The following HERC2 variants were observed in gnomAD, a reference collection of about 807,000 sequenced individuals.
The protein encoded by HERC2 is HECT and RLD domain containing E3 ubiquitin protein ligase 2, also known as E3 ubiquitin-protein ligase HERC2.
A neutral mutation model predicts 537.7 loss-of-function variants in HERC2; 102 were observed. The ratio of observed to expected loss-of-function variants is 0.19; its 90% CI spans 0.16 to 0.22. HERC2 has a LOEUF of 0.22. Among genes scored for constraint, HERC2 ranks in the 10% least tolerant of loss-of-function variants. The pLI is 1.00. For synonymous variants in HERC2, 2,224 were observed against 2,466.2 expected, an observed-to-expected ratio of 0.90 and a Z score of 2.91; for missense variants, 4,236 against 6,198.2, an observed-to-expected ratio of 0.68 and a Z score of 10.63.
chr15:28,142,094 A>G (rs1439689627), intron 76 of HERC2, 144 bp downstream of exon 76: 3 of 849,964 alleles, frequency 3.5e-6, no homozygotes, highest in Non-Finnish European at 5.5e-6. Context: ...GTGTCAGTTC[A>G]CTCATTTTCA....
At chr15:28,272,070 A>G in intron 9 of HERC2, 145 bp downstream of exon 9, 1 of 705,790 alleles carries the variant, frequency 1.4e-6, no homozygotes, top group East Asian at 2.8e-5. Flanking sequence ...GACCTCCCAC[A>G]CCTGTCTCAT....
chr15:28,161,502 C>A (rs1217784286), intron 69 of HERC2, among the ~76,000 whole-genome samples: 2 of 152,180 alleles, frequency 1.3e-5, no homozygotes, highest in Non-Finnish European at 2.9e-5. Flanking sequence ...TAAGGAAGCC[C>A]ACGGCCTTTA....
intron 86 of HERC2, 145 bp downstream of exon 86, chr15:28,121,201 G>A: frequency 1.5e-6 from 1 of 651,064 alleles, no homozygotes; most frequent in Non-Finnish European, 2.7e-6. Context: ...CATACAGGAA[G>A]CCCACAAAAA....
In HERC2 at chr15:28,258,038, G is replaced by A. The variant is rs1437738982; in HGVS notation, c.2317-777C>T. 5.9e-5 allele frequency among the ~76,000 whole-genome samples: 9 copies of A among 152,030 alleles called. No individual in the cohort carries two copies. In the East Asian group the frequency reaches 1.7e-3, roughly 29 times the overall value. ...TGTTCACTAAGAGAGAACATATCCT[G>A]AGACATAAAACAAATCTTAACAAAT... On this transcript the variant is annotated intron_variant, in intron 16 of 92. Coordinates refer to ENST00000261609, the MANE Select transcript of HERC2 (RefSeq NM_004667.6).
intron 59 of HERC2, 86 bp downstream of exon 59, chr15:28,178,801 T>G: frequency 7.2e-7 from 1 of 1,397,846 alleles, no homozygotes. Flanking sequence ...TAAGAAAGAA[T>G]GTAAGGACAC....
At chr15:28,316,349 A>G (rs1346808090) in intron 2 of HERC2, among the ~76,000 whole-genome samples, 1 of 151,930 alleles carries the variant, frequency 6.6e-6, no homozygotes, top group Admixed American at 6.6e-5. Flanking sequence ...TTAGTTCTTT[A>G]AAACACCAGG....
chr15:28,267,846 C>A (rs1243052437), intron 12 of HERC2, among the ~76,000 whole-genome samples: 1 of 152,214 alleles, frequency 6.6e-6, no homozygotes, highest in Non-Finnish European at 1.5e-5. Flanking sequence ...CTCCAGCCCA[C>A]AAGAAATGGG....
chr15:28,282,693 G>A (rs370313854), intron 4 of HERC2, among the ~76,000 whole-genome samples: 3 of 152,136 alleles, frequency 2.0e-5, no homozygotes, highest in Admixed American at 6.5e-5. Context: ...CAGCACTTTC[G>A]GAGGCCGAGG....
At position 28,237,779 on chromosome 15, in the gene HERC2, A is replaced by G. The variant is rs7169067; in HGVS notation, c.3852+335T>C. ...CTACTGTAAAGAATTACACTTCTAC[A>G]TAGTTCTTCCCAAAAAATACTACCT... On this transcript the variant is annotated intron_variant, in intron 25 of 92. Transcript: ENST00000261609. Among the ~76,000 whole-genome samples the G allele has an allele frequency of 2.8e-3, 431 of 152,358 alleles. 3 individuals are homozygous for G. The highest frequency in any genetic ancestry group is 9.8e-3 in the African/African-American group (408 of 41,588).
chr15:28,225,749 T>A, intron 35 of HERC2, among the ~76,000 whole-genome samples: 1 of 138,076 alleles, frequency 7.2e-6, no homozygotes, highest in Non-Finnish European at 1.6e-5. Flanking sequence ...ATAACTAACA[T>A]CAGAAATGTA....
intron 38 of HERC2, among the ~76,000 whole-genome samples, chr15:28,217,025 CAAT>C (rs891908023): frequency 3.3e-5 from 5 of 152,158 alleles, no homozygotes; most frequent in South Asian, 4.1e-4. Flanking sequence ...CACGCATTCA[CAAT>C]AACATCACTC....
Position 28,152,842 on chromosome 15 carries a change from G to C in HERC2, c.10747-12C>G. Reference sequence around the variant, plus strand: ...AGCATATCTGCCACCTGGAGAGGAAGCAAGGACATGAATGAGGGGGCCAAC... The same window carrying C: ...AGCATATCTGCCACCTGGAGAGGAACCAAGGACATGAATGAGGGGGCCAAC... On this transcript the variant is annotated splice_polypyrimidine_tract_variant and intron_variant, in intron 69 of 92. Coordinates refer to ENST00000261609, the MANE Select transcript of HERC2 (RefSeq NM_004667.6). The C allele has an allele frequency of 6.4e-7, 1 of 1,558,696 alleles. No homozygotes were observed. Among genetic ancestry groups the C allele is most frequent in the South Asian group, 1.2e-5 (1 of 84,536 alleles).
chr15:28,321,233 A>G (rs2077220379), intron 2 of HERC2, 129 bp downstream of exon 2: 2 of 645,258 alleles, frequency 3.1e-6, no homozygotes, highest in Non-Finnish European at 5.6e-6. Flanking sequence ...GTTACAGGAA[A>G]TAAACCTGCT....
chr15:28,185,212 A>G (rs61335644), intron 56 of HERC2, among the ~76,000 whole-genome samples: 19,258 of 151,884 alleles, frequency 0.13, 4,100 homozygotes, highest in African/African-American at 0.44. Flanking sequence ...TACCAGAACT[A>G]CTACCCCCCA....
intron 55 of HERC2, among the ~76,000 whole-genome samples, chr15:28,187,755 T>G (rs1303996790): frequency 1.3e-5 from 2 of 152,234 alleles, no homozygotes; most frequent in African/African-American, 4.8e-5. Context: ...TGTCATTTTA[T>G]TGTTGCCTCA....
At chr15:28,124,792 C>T (rs1453698392) in intron 84 of HERC2, among the ~76,000 whole-genome samples, 3 of 152,232 alleles carry the variant, frequency 2.0e-5, no homozygotes, top group Admixed American at 6.5e-5. Context: ...TCAAGCAATC[C>T]GCCCACCTTG....
At chr15:28,124,008 C>T (rs1305638192) in intron 85 of HERC2, 29 bp downstream of exon 85, 5 of 1,541,884 alleles carry the variant, frequency 3.2e-6, no homozygotes, top group Middle Eastern at 1.7e-4. Context: ...CACCAGTTTC[C>T]CCTAGAGCAA....
chr15:28,166,666 C>T (rs896599154), intron 68 of HERC2, among the ~76,000 whole-genome samples: 1 of 152,164 alleles, frequency 6.6e-6, no homozygotes, highest in Non-Finnish European at 1.5e-5. Flanking sequence ...TATGGGGACA[C>T]ATCAGACAAT....
intron 4 of HERC2, 85 bp from the exon 5 acceptor site, chr15:28,280,372 C>CA: frequency 9.0e-7 from 1 of 1,116,434 alleles, no homozygotes; most frequent in South Asian, 1.5e-5. Flanking sequence ...ATGATGACGA[C>CA]AGGTAGTACT....
Sources: gnomAD v4.1 joint callset for allele counts (sites outside exome capture counted in the v4.1 genomes callset) on GRCh38, gnomAD v4.1.1 for gene constraint, MANE v1.5 for transcripts, NCBI Gene and HGNC (gene_info 2026-07-23, HGNC 2026-07-21) for gene names.